SPOP: variants seen among roughly 807,000 people sequenced by gnomAD.
SPOP encodes speckle type BTB/POZ protein.
In SPOP, 11 loss-of-function variants were observed where a neutral mutation model predicts 45.6. The observed-to-expected ratio is 0.24, with a 90% CI of 0.15 to 0.40. The LOEUF (loss-of-function observed/expected upper bound fraction) is 0.40. Ranked by LOEUF, SPOP falls within the 10% of genes least tolerant of loss-of-function variation. The probability of loss-of-function intolerance (pLI) is 1.00; values close to 1 mark genes in which losing one functional copy is unlikely to be tolerated. For missense variants in SPOP, 152 were observed against 465.6 expected (o/e 0.33, Z 6.20); for synonymous variants, 166 against 166.3 (o/e 1.00, Z 0.01).
At chr17:49,671,600 TGA>T (rs2073136475) in intron 1 of SPOP, among the ~76,000 whole-genome samples, 1 of 151,934 alleles carries the variant, frequency 6.6e-6, no homozygotes, top group Non-Finnish European at 1.5e-5. Context: ...ACTAAAACAA[TGA>T]GAGTGAAAAA....
intron 1 of SPOP, among the ~76,000 whole-genome samples, chr17:49,667,281 T>C (rs900594686): frequency 7.6e-6 from 1 of 132,132 alleles, no homozygotes; most frequent in African/African-American, 2.9e-5. Context: ...CTAAAAGGGA[T>C]ATCCAGAGCC....
Position 49,654,260 on chromosome 17 carries a change from CTGTT to C in SPOP, c.-67+23669_-67+23672del, listed in dbSNP as rs765969861. Among the ~76,000 whole-genome samples, 4 of 152,228 alleles carry C rather than the reference CTGTT, an allele frequency of 2.6e-5. 1 individual carries two copies. The highest frequency in any genetic ancestry group is 1.9e-4 in the East Asian group (1 of 5,182). ...AACAATTCTTCAGGCATTTTTAAAA[CTGTT>C]TGTTTTTTACTAGTGACAGTGTCTA... On this transcript the variant is annotated intron_variant, in intron 1 of 9. Transcript: ENST00000504102.
chr17:49,602,108 C>T, intron 8 of SPOP, 101 bp from the exon 9 acceptor site: 2 of 1,371,960 alleles, frequency 1.5e-6, no homozygotes, highest in Non-Finnish European at 1.0e-6. Flanking sequence ...TAACTAGATA[C>T]TTGAATAGAA....
intron 3 of SPOP, among the ~76,000 whole-genome samples, chr17:49,620,105 G>T (rs143352458): frequency 6.6e-6 from 1 of 152,040 alleles, no homozygotes; most frequent in South Asian, 2.1e-4. Flanking sequence ...GGGAGGCAGA[G>T]GTTGCAGTGA....
chr17:49,609,577 A>G (rs2071924255), intron 6 of SPOP, among the ~76,000 whole-genome samples: 1 of 152,202 alleles, frequency 6.6e-6, no homozygotes, highest in South Asian at 2.1e-4. Context: ...GAGACCACAC[A>G]TCAGAAGCAA....
At chr17:49,601,529 A>C (rs773175672) in intron 9 of SPOP, 1 of 193,488 alleles carries the variant, frequency 5.2e-6, no homozygotes, top group African/African-American at 2.3e-5. Context: ...ACTCATAAAC[A>C]TATGTCTATC....
At chr17:49,641,918 C>A (rs1269550132) in intron 1 of SPOP, among the ~76,000 whole-genome samples, 1 of 151,766 alleles carries the variant, frequency 6.6e-6, no homozygotes, top group East Asian at 1.9e-4. Flanking sequence ...AGCTACTAGT[C>A]AAGAAGCTGA....
chr17:49,648,542 C>G (rs1005084378), intron 1 of SPOP, among the ~76,000 whole-genome samples: 2 of 152,182 alleles, frequency 1.3e-5, no homozygotes, highest in Admixed American at 1.3e-4. Flanking sequence ...AGTAGCTCTA[C>G]TCCTACACCT....
chr17:49,605,559 G>A (rs544870597), intron 8 of SPOP, among the ~76,000 whole-genome samples: 3 of 152,026 alleles, frequency 2.0e-5, no homozygotes, highest in African/African-American at 2.4e-5. Context: ...GTGTGGTGGT[G>A]CATGCCTGTA....
intron 5 of SPOP, among the ~76,000 whole-genome samples, chr17:49,613,468 G>A (rs1567774518): frequency 6.6e-6 from 1 of 152,124 alleles, no homozygotes; most frequent in Non-Finnish European, 1.5e-5. Flanking sequence ...TGGGTGAAAT[G>A]AATTGGCAAG....
intron 1 of SPOP, among the ~76,000 whole-genome samples, chr17:49,660,256 C>T (rs1183697586): frequency 6.6e-6 from 1 of 152,242 alleles, no homozygotes; most frequent in Non-Finnish European, 1.5e-5. Context: ...GTATGGCAGG[C>T]ACATACATAC....
rs1488145892 is a variant in SPOP at position 49,600,735 on chromosome 17, G to A, written c.981-213C>T. ...GTCGTCATCTGAAAACCAAGACTTT[G>A]AGCCACTATATTCTCAAAAACAAAA... On this transcript the variant is annotated intron_variant, in intron 9 of 9. Coordinates refer to ENST00000504102, the MANE Select transcript of SPOP (RefSeq NM_001007228.2). The surrounding 1 kb of genome is among the most constrained non-coding windows in gnomAD (Gnocchi z 4.2). 4 of 560,698 alleles carry A rather than the reference G, an allele frequency of 7.1e-6. No individual in the cohort carries two copies. The highest frequency in any genetic ancestry group is 1.3e-5 in the Non-Finnish European group (4 of 315,536). The allele number at this position is 560,698 out of a possible 1,614,324, so 34.7% of individuals were successfully genotyped here.
At chr17:49,667,596 A>G (rs934111893) in intron 1 of SPOP, among the ~76,000 whole-genome samples, 1 of 152,188 alleles carries the variant, frequency 6.6e-6, no homozygotes, top group Non-Finnish European at 1.5e-5. Context: ...CTCAACAGGA[A>G]AAAAAGAAAA....
At chr17:49,667,320 T>A (rs969603192) in intron 1 of SPOP, among the ~76,000 whole-genome samples, 1 of 137,574 alleles carries the variant, frequency 7.3e-6, no homozygotes, top group South Asian at 2.3e-4. Flanking sequence ...CCAGGTACGG[T>A]GGCTCACGCC....
intron 1 of SPOP, among the ~76,000 whole-genome samples, chr17:49,625,440 C>G (rs557645124): frequency 1.7e-4 from 26 of 152,190 alleles, no homozygotes; most frequent in African/African-American, 6.3e-4. Flanking sequence ...GAAACCCTGT[C>G]CCTACTAAAA....
intron 8 of SPOP, 127 bp downstream of exon 8, chr17:49,607,123 C>T: frequency 1.7e-6 from 2 of 1,169,750 alleles, no homozygotes; most frequent in South Asian, 2.9e-5. Flanking sequence ...ATGTGTAAAC[C>T]AGGACCGTCT....
At chr17:49,618,900 A>T in intron 5 of SPOP, 81 bp downstream of exon 5, 1 of 1,492,602 alleles carries the variant, frequency 6.7e-7, no homozygotes, top group African/African-American at 1.4e-5. Flanking sequence ...CTTACTCTAC[A>T]TCCCTGATAC....
intron 1 of SPOP, among the ~76,000 whole-genome samples, chr17:49,625,946 T>C (rs1402516332): frequency 6.6e-6 from 1 of 152,220 alleles, no homozygotes; most frequent in Non-Finnish European, 1.5e-5. Flanking sequence ...TATCTGTTAA[T>C]TAGGGATGAC....
intron 8 of SPOP, among the ~76,000 whole-genome samples, chr17:49,604,918 G>T (rs543958206): frequency 6.6e-6 from 1 of 152,308 alleles, no homozygotes; most frequent in Admixed American, 6.5e-5. Flanking sequence ...TTGGAGAAAT[G>T]CTGTCTATCA....
Sources: allele counts gnomAD v4.1 joint callset (sites outside exome capture counted in the v4.1 genomes callset), GRCh38; gene constraint gnomAD v4.1.1; non-coding constraint Gnocchi (gnomAD v3.1); transcripts MANE v1.5; gene names NCBI Gene and HGNC (gene_info 2026-07-23, HGNC 2026-07-21).